The following DOK6 variants were observed in gnomAD, a reference collection of about 807,000 sequenced individuals.
The protein encoded by DOK6 is docking protein 6.
A neutral mutation model predicts 44.0 loss-of-function variants in DOK6; 22 were observed. That is an observed-to-expected ratio of 0.50 (90% CI 0.36 to 0.71). The LOEUF (loss-of-function observed/expected upper bound fraction) is 0.71, where lower values mean the gene tolerates loss of function less well. Among genes scored for constraint, DOK6 ranks in the 30% least tolerant of loss-of-function variants. The pLI is 0.00. For missense variants in DOK6, 340 were observed against 416.4 expected (o/e 0.82, Z 1.60); for synonymous variants, 166 against 145.5 (o/e 1.14, Z -1.01).
intron 1 of DOK6, among the ~76,000 whole-genome samples, chr18:69,510,935 A>G (rs1479252235): frequency 6.6e-6 from 1 of 152,140 alleles, no homozygotes; most frequent in Non-Finnish European, 1.5e-5. Context: ...TAATGTTACC[A>G]AGTCATAGAT....
rs146286307 is a variant in DOK6, at chr18:69,827,096, A to G, written c.857-14148A>G. ...ATAGTATAGTGGAAACAGAGTTGAA[A>G]GCAGCTACTTGGTAGTCCCATTGAA... On this transcript the variant is annotated intron_variant, in intron 7 of 7. Coordinates refer to ENST00000382713, the MANE Select transcript of DOK6 (RefSeq NM_152721.6). 3.5e-4 allele frequency among the ~76,000 whole-genome samples: 54 copies of G among 152,300 alleles called. 1 individual carries two copies. The East Asian group carries it at 0.01, about 28-fold the overall frequency.
At chr18:69,435,457 T>C (rs355981) in intron 1 of DOK6, among the ~76,000 whole-genome samples, 120,949 of 152,138 alleles carry the variant, frequency 0.79, 48,344 homozygotes, top group East Asian at 1. Flanking sequence ...TCTTGTAGAG[T>C]CATAATAAAA....
At chr18:69,739,236 C>A in intron 6 of DOK6, 133 bp downstream of exon 6, 1 of 1,165,260 alleles carries the variant, frequency 8.6e-7, no homozygotes. Context: ...AGGGCTTACC[C>A]TACCCTCTCA....
At chr18:69,743,818 A>AT (rs1400186286) in intron 6 of DOK6, among the ~76,000 whole-genome samples, 1 of 26,570 alleles carries the variant, frequency 3.8e-5, no homozygotes, top group Non-Finnish European at 1.8e-4. Flanking sequence ...ATTTCAGTGT[A>AT]TTAAAAAAAA....
chr18:69,625,572 T>C (rs571356355), intron 3 of DOK6, among the ~76,000 whole-genome samples: 1 of 152,304 alleles, frequency 6.6e-6, no homozygotes, highest in South Asian at 2.1e-4. Context: ...CATCGTAAGG[T>C]TCATGTGTGT....
At chr18:69,521,311 C>T (rs994692999) in intron 1 of DOK6, among the ~76,000 whole-genome samples, 2 of 151,730 alleles carry the variant, frequency 1.3e-5, no homozygotes, top group Non-Finnish European at 3.0e-5. Context: ...TCTCGATCAT[C>T]AAGGTTCCTG....
chr18:69,447,037 G>T (rs1192718870), intron 1 of DOK6, among the ~76,000 whole-genome samples: 2 of 152,164 alleles, frequency 1.3e-5, no homozygotes, highest in Admixed American at 6.5e-5. Context: ...TTCTTTTGCT[G>T]TGCAGAAGCT....
chr18:69,795,833 G>A (rs8098468), intron 7 of DOK6, among the ~76,000 whole-genome samples: 32,273 of 152,040 alleles, frequency 0.21, 3,669 homozygotes, highest in East Asian at 0.28. Flanking sequence ...CTAACAAGTG[G>A]GAAAGAAGAG....
chr18:69,522,015 A>C (rs2144565285), intron 1 of DOK6, among the ~76,000 whole-genome samples: 1 of 152,198 alleles, frequency 6.6e-6, no homozygotes, highest in Admixed American at 6.6e-5. Context: ...CCTTCAGCAA[A>C]ATAGTGAAAA....
chr18:69,784,267 T>C (rs1291727241), intron 7 of DOK6, among the ~76,000 whole-genome samples: 1 of 152,188 alleles, frequency 6.6e-6, no homozygotes, highest in African/African-American at 2.4e-5. Flanking sequence ...ATTTTTGATA[T>C]AAAAATGATA....
chr18:69,481,924 G>A (rs1419259042), intron 1 of DOK6, among the ~76,000 whole-genome samples: 1 of 152,174 alleles, frequency 6.6e-6, no homozygotes, highest in Non-Finnish European at 1.5e-5. Flanking sequence ...TCTAACTGGT[G>A]TGAGATGGTA....
chr18:69,690,183 T>A (rs1052047202), intron 4 of DOK6, among the ~76,000 whole-genome samples: 5 of 152,036 alleles, frequency 3.3e-5, no homozygotes, highest in African/African-American at 1.2e-4. Flanking sequence ...AAAAAGATAC[T>A]GTGGAATTTT....
chr18:69,742,930 A>G (rs1179917290), intron 6 of DOK6, among the ~76,000 whole-genome samples: 1 of 152,244 alleles, frequency 6.6e-6, no homozygotes, highest in African/African-American at 2.4e-5. Context: ...GGGATAATCA[A>G]CTTATTGGAG....
At chr18:69,789,021 T>C (rs1980515043) in intron 7 of DOK6, among the ~76,000 whole-genome samples, 1 of 152,226 alleles carries the variant, frequency 6.6e-6, no homozygotes, top group Non-Finnish European at 1.5e-5. Context: ...TAGTGGGCAT[T>C]TATGGAAGTT....
chr18:69,795,229 AAAC>A (rs1980710254), intron 7 of DOK6, among the ~76,000 whole-genome samples: 1 of 152,034 alleles, frequency 6.6e-6, no homozygotes, highest in East Asian at 1.9e-4. Flanking sequence ...CTAACCTCTT[AAAC>A]AACCAAGACA....
In DOK6 at chr18:69,735,073, C is replaced by T. The variant is rs566963097; in HGVS notation, c.600-3892C>T. ...ATAGTGGAGCACCTCCTCTGGAGTT[C>T]GGTTTCCTTCAAATATATACATCCA... On this transcript the variant is annotated intron_variant, in intron 5 of 7. Coordinates refer to ENST00000382713, the MANE Select transcript of DOK6 (RefSeq NM_152721.6). Among the ~76,000 whole-genome samples the T allele has an allele frequency of 4.7e-4, 72 of 152,294 alleles. 2 individuals carry two copies. In the South Asian group the frequency reaches 8.1e-3, roughly 17 times the overall value.
chr18:69,536,181 C>A (rs1982117810), intron 1 of DOK6, among the ~76,000 whole-genome samples: 1 of 152,138 alleles, frequency 6.6e-6, no homozygotes, highest in South Asian at 2.1e-4. Context: ...CATCTACAAG[C>A]CCTTCTTGAA....
chr18:69,510,504 A>G (rs888973945), intron 1 of DOK6, among the ~76,000 whole-genome samples: 1 of 148,990 alleles, frequency 6.7e-6, no homozygotes, highest in African/African-American at 2.5e-5. Flanking sequence ...TTTGTTGTTT[A>G]GCTTATTACA....
intron 1 of DOK6, among the ~76,000 whole-genome samples, chr18:69,418,282 T>A (rs1801840207): frequency 6.6e-6 from 1 of 151,346 alleles, no homozygotes; most frequent in South Asian, 2.1e-4. Flanking sequence ...GTCTAGATAG[T>A]TTTTGGTGTT....
Sources: allele counts gnomAD v4.1 joint callset (sites outside exome capture counted in the v4.1 genomes callset), GRCh38; gene constraint gnomAD v4.1.1; transcripts MANE v1.5; gene names NCBI Gene and HGNC (gene_info 2026-07-23, HGNC 2026-07-21).